The following GNAL variants were observed in gnomAD, a reference collection of about 807,000 sequenced individuals.
The protein encoded by GNAL is guanine nucleotide-binding protein G(olf) subunit alpha.
Under a neutral mutation model 55.1 loss-of-function variants are expected in GNAL, and 18 were observed. That is an observed-to-expected ratio of 0.33 (90% CI 0.23 to 0.48). The LOEUF (loss-of-function observed/expected upper bound fraction) is 0.48. Among genes scored for constraint, GNAL ranks in the 20% least tolerant of loss-of-function variants. The probability of loss-of-function intolerance (pLI) is 0.99; values close to 1 mark genes in which losing one functional copy is unlikely to be tolerated. For synonymous variants in GNAL, 253 were observed against 237.0 expected (o/e 1.07, Z -0.62); for missense variants, 412 against 614.1 (o/e 0.67, Z 3.48).
chr18:11,699,883 C>T (rs1319850037), intron 1 of GNAL, among the ~76,000 whole-genome samples: 1 of 152,144 alleles, frequency 6.6e-6, no homozygotes, highest in Non-Finnish European at 1.5e-5. Context: ...GTCAGGGTAG[C>T]TTCATGGATT....
At chr18:11,835,039 C>G (rs887992637) in intron 5 of GNAL, among the ~76,000 whole-genome samples, 5 of 152,172 alleles carry the variant, frequency 3.3e-5, no homozygotes, top group Admixed American at 1.3e-4. Context: ...CCAAACAACA[C>G]ATTTGAAAGA....
intron 1 of GNAL, among the ~76,000 whole-genome samples, chr18:11,716,220 C>A (rs972805832): frequency 2.0e-5 from 3 of 152,222 alleles, no homozygotes; most frequent in East Asian, 3.8e-4. Context: ...TCACTGACTT[C>A]AAGAATGAAG....
intron 1 of GNAL, among the ~76,000 whole-genome samples, chr18:11,727,310 T>G (rs1011502541): frequency 2.0e-5 from 3 of 152,344 alleles, no homozygotes; most frequent in East Asian, 1.9e-4. Context: ...CCCACCTGCC[T>G]TGTGGGGTAG....
At chr18:11,744,762 G>A (rs193301691) in intron 1 of GNAL, among the ~76,000 whole-genome samples, 1 of 152,336 alleles carries the variant, frequency 6.6e-6, no homozygotes, top group Non-Finnish European at 1.5e-5. Flanking sequence ...CCAGGCTGGA[G>A]TGCACTGATG....
intron 5 of GNAL, among the ~76,000 whole-genome samples, chr18:11,848,106 G>A (rs773412638): frequency 2.0e-4 from 31 of 152,158 alleles, no homozygotes; most frequent in Non-Finnish European, 7.3e-5. Context: ...GCCACAGAGC[G>A]CCCAGCACCA....
intron 1 of GNAL, among the ~76,000 whole-genome samples, chr18:11,733,129 G>A (rs990698203): frequency 6.6e-6 from 1 of 152,202 alleles, no homozygotes; most frequent in Non-Finnish European, 1.5e-5. Flanking sequence ...TTTCTCGAAC[G>A]GCCGCCTGGT....
At chr18:11,747,182 C>T in intron 1 of GNAL, 1 of 391,552 alleles carries the variant, frequency 2.6e-6, no homozygotes, top group South Asian at 2.3e-5. Flanking sequence ...GATTTTCTTC[C>T]TGTTACATGT....
At chr18:11,790,177 G>A (rs116131373) in intron 4 of GNAL, among the ~76,000 whole-genome samples, 18 of 152,302 alleles carry the variant, frequency 1.2e-4, no homozygotes, top group African/African-American at 4.3e-4. Context: ...CAAGCCAGTT[G>A]TTGGATGAGG....
intron 1 of GNAL, among the ~76,000 whole-genome samples, chr18:11,693,994 A>T (rs1024154531): frequency 1.3e-5 from 2 of 151,808 alleles, no homozygotes; most frequent in Admixed American, 6.6e-5. Context: ...CTGGGACTAC[A>T]GGTACATGCT....
chr18:11,704,960 A>G (rs1203666180), intron 1 of GNAL, among the ~76,000 whole-genome samples: 1 of 132,268 alleles, frequency 7.6e-6, no homozygotes. Context: ...TTATCATGGT[A>G]AGAACACTTC....
intron 5 of GNAL, among the ~76,000 whole-genome samples, chr18:11,835,442 T>C (rs1365036288): frequency 6.6e-6 from 1 of 151,378 alleles, no homozygotes; most frequent in Non-Finnish European, 1.5e-5. Context: ...GCCTAGGCAA[T>C]GTAGCAAGAA....
chr18:11,855,776 C>T (rs552558954), intron 5 of GNAL, among the ~76,000 whole-genome samples: 21 of 152,212 alleles, frequency 1.4e-4, no homozygotes, highest in African/African-American at 4.3e-4. Flanking sequence ...AGTTCGAGAC[C>T]AGCCTGACCA....
Position 11,884,315 on chromosome 18 carries a change from A to C in GNAL, c.*3180A>C. On this transcript the variant is annotated 3_prime_UTR_variant, in exon 12 of 12. Coordinates refer to ENST00000334049, the MANE Select transcript of GNAL (RefSeq NM_182978.4). ...TATTTATTTTGCAGTTACTCATTTC[A>C]GTGATTGAGAATTTCTGTGCTGTGC... is the stretch of plus-strand genomic sequence containing the variant. 1 of 841,838 alleles carries C rather than the reference A, an allele frequency of 1.2e-6. No individual in the cohort carries two copies. Among genetic ancestry groups the C allele is most frequent in the South Asian group, 1.7e-5 (1 of 60,496 alleles). The allele number at this position is 841,838 out of a possible 1,614,324, so 52.1% of individuals were successfully genotyped here.
chr18:11,690,585 A>C (rs1407343213), intron 1 of GNAL, among the ~76,000 whole-genome samples: 4 of 146,988 alleles, frequency 2.7e-5, no homozygotes, highest in Non-Finnish European at 6.0e-5. Context: ...CATTAGGTAT[A>C]TCTCCTAAAG....
chr18:11,727,888 G>A (rs570603926), intron 1 of GNAL, among the ~76,000 whole-genome samples: 3 of 152,258 alleles, frequency 2.0e-5, no homozygotes, highest in South Asian at 4.1e-4. Context: ...GTGTGGCATT[G>A]TTAAGTTAAT....
At chr18:11,788,536 C>A (rs1240477490) in intron 4 of GNAL, among the ~76,000 whole-genome samples, 1 of 152,074 alleles carries the variant, frequency 6.6e-6, no homozygotes, top group Non-Finnish European at 1.5e-5. Flanking sequence ...CAATTCAGAA[C>A]AAATCTTGAT....
chr18:11,808,586 A>G (rs1419926509), intron 4 of GNAL, among the ~76,000 whole-genome samples: 1 of 152,140 alleles, frequency 6.6e-6, no homozygotes, highest in African/African-American at 2.4e-5. Flanking sequence ...CCAACTAGAA[A>G]CTCTTGTAAT....
At chr18:11,860,735 T>C (rs1226689280) in intron 5 of GNAL, among the ~76,000 whole-genome samples, 1 of 152,124 alleles carries the variant, frequency 6.6e-6, no homozygotes, top group Non-Finnish European at 1.5e-5. Flanking sequence ...GTTATTTTGG[T>C]GGGTTTGTAC....
In GNAL at chr18:11,882,884, T is replaced by G. The variant is rs945827949; in HGVS notation, c.*1749T>G. ...CAAACATTATGACACACCAACAATATCTAGAAAGTAAGAACTGGTGTAGCA... is the reference window on the plus strand; with the variant it reads ...CAAACATTATGACACACCAACAATAGCTAGAAAGTAAGAACTGGTGTAGCA... On this transcript the variant is annotated 3_prime_UTR_variant, in exon 12 of 12. Transcript: ENST00000334049. 10 of 152,050 alleles carry G rather than the reference T, an allele frequency of 6.6e-5. No homozygotes were observed. Among genetic ancestry groups the G allele is most frequent in the Admixed American group, 4.6e-4 (7 of 15,264 alleles). The allele number at this position is 152,050 out of a possible 1,614,324, so 9.4% of individuals were successfully genotyped here.
Sources: allele counts gnomAD v4.1 joint callset (sites outside exome capture counted in the v4.1 genomes callset), GRCh38; gene constraint gnomAD v4.1.1; transcripts MANE v1.5; gene names NCBI Gene and HGNC (gene_info 2026-07-23, HGNC 2026-07-21).